Variants in LITAF observed in about 807,000 individuals in gnomAD.
The protein encoded by LITAF is lipopolysaccharide induced TNF factor, also known as lipopolysaccharide-induced tumor necrosis factor-alpha factor.
LITAF carries 9 observed loss-of-function variants against 14.5 expected under a neutral mutation model. The observed-to-expected ratio is 0.62, with a 90% confidence interval of 0.37 to 1.08. The LOEUF (loss-of-function observed/expected upper bound fraction) is 1.08. Among genes scored for constraint, LITAF ranks in the 50% least tolerant of loss-of-function variants. The pLI is 0.01. For missense variants in LITAF, 206 were observed against 213.4 expected (o/e 0.97, Z 0.22); for synonymous variants, 98 against 88.2 (o/e 1.11, Z -0.62).
At chr16:11,600,145 C>T (rs546138429), upstream of LITAF, among the ~76,000 whole-genome samples, 1 of 152,178 alleles carries the variant, frequency 6.6e-6, no homozygotes, top group African/African-American at 2.4e-5. This position sits in a 1 kb window ranked among gnomAD's most constrained non-coding sequence, Gnocchi z 4.1. Context: ...CTACAGACAC[C>T]AGCCACCATG....
In LITAF at chr16:11,553,707, G is replaced by T. The variant is rs2064220922; in HGVS notation, c.221-18C>A. On this transcript the variant is annotated intron_variant, in intron 2 of 3. Transcript: ENST00000622633. This position sits in a 1 kb window ranked among gnomAD's most constrained non-coding sequence, Gnocchi z 7.7. The stretch of plus-strand genomic sequence containing the variant: ...CACGGTAACTGATGAAAGGGAGAGG[G>T]ACAAACACAGGTTGCTCAGGAAACA... 1 of 1,613,918 alleles carries T rather than the reference G, an allele frequency of 6.2e-7. No homozygotes were observed. Among genetic ancestry groups the T allele is most frequent in the Non-Finnish European group, 8.5e-7 (1 of 1,179,932 alleles).
At chr16:11,573,334 A>G (rs1463355074) in intron 1 of LITAF, among the ~76,000 whole-genome samples, 1 of 152,182 alleles carries the variant, frequency 6.6e-6, no homozygotes, top group Non-Finnish European at 1.5e-5. Context: ...ACACACAGAG[A>G]GCTAGCCTGG....
chr16:11,616,068 T>C (rs2065017885), intron 3 of LITAF, among the ~76,000 whole-genome samples: 1 of 152,168 alleles, frequency 6.6e-6, no homozygotes, highest in Admixed American at 6.5e-5. Flanking sequence ...ATACATCCAC[T>C]ACCTGGGAGG....
intron 3 of LITAF, among the ~76,000 whole-genome samples, chr16:11,613,711 G>A (rs9932278): frequency 0.54 from 82,160 of 152,106 alleles, 25,337 homozygotes; most frequent in African/African-American, 0.85. Context: ...GAGCACAGCC[G>A]GACGGAGGGT....
chr16:11,611,666 C>CTTT (rs778921315), intron 3 of LITAF, among the ~76,000 whole-genome samples: 1 of 142,680 alleles, frequency 7.0e-6, no homozygotes, highest in Non-Finnish European at 1.5e-5. Flanking sequence ...TTTTCTTTTT[C>CTTT]TTTTTTTTTT....
At chr16:11,601,649 AGCC>A (rs920185699), upstream of LITAF, among the ~76,000 whole-genome samples, 1 of 152,132 alleles carries the variant, frequency 6.6e-6, no homozygotes, top group Non-Finnish European at 1.5e-5. Flanking sequence ...AGCTCACTGC[AGCC>A]TCCACTTCCT....
intron 1 of LITAF, chr16:11,575,674 A>C (rs2064620496): frequency 6.6e-6 from 1 of 152,202 alleles, no homozygotes; most frequent in Non-Finnish European, 1.5e-5. Context: ...CCATCCCAAC[A>C]ACTCGCGGTC....
intron 1 of LITAF, chr16:11,561,041 G>A (rs921054548): frequency 1.3e-5 from 2 of 152,180 alleles, no homozygotes; most frequent in South Asian, 4.1e-4. Context: ...GCACCCTGGG[G>A]GTCTGGAGTG....
chr16:11,579,943 G>C (rs937822856), intron 1 of LITAF, among the ~76,000 whole-genome samples: 3 of 152,162 alleles, frequency 2.0e-5, no homozygotes, highest in African/African-American at 7.2e-5. Context: ...AGAAACTGCA[G>C]ACACAGGAGC....
At chr16:11,582,666 C>G (rs2064756202) in intron 1 of LITAF, among the ~76,000 whole-genome samples, 1 of 152,172 alleles carries the variant, frequency 6.6e-6, no homozygotes, top group South Asian at 2.1e-4. Flanking sequence ...AAAAGAAGGG[C>G]ACTCACATGC....
Position 11,556,618 on chromosome 16 carries a change from G to C in LITAF, c.113C>G (p.Ala38Gly). 6.2e-7 allele frequency: 1 copy of C among 1,614,232 alleles called. No individual in the cohort carries two copies. Among genetic ancestry groups the C allele is most frequent in the Non-Finnish European group, 8.5e-7 (1 of 1,180,042 alleles). ...CCCCGTAGTTGGCCCAGGCATGGGAGCTGGAGGTGTGGGGTAATAACTGTT... is the reference window on the plus strand; with the variant it reads ...CCCCGTAGTTGGCCCAGGCATGGGACCTGGAGGTGTGGGGTAATAACTGTT... Reference protein sequence around the residue: ...AVNSYYPTPPAPMPGPTTGLV... With the variant: ...AVNSYYPTPPGPMPGPTTGLV... The change falls in exon 2 of 4, where the codon GCT (alanine) becomes GGT (glycine). Residue 38 changes from alanine (A) to glycine (G), a missense_variant. Transcript: ENST00000622633.
At chr16:11,570,408 C>T (rs139522314) in intron 1 of LITAF, among the ~76,000 whole-genome samples, 4 of 152,280 alleles carry the variant, frequency 2.6e-5, no homozygotes, top group East Asian at 1.9e-4. Flanking sequence ...GACCTCATCC[C>T]GCCACAGGGA....
In LITAF at chr16:11,553,793, A is replaced by G; in HGVS notation, c.221-104T>C. The G allele has an allele frequency of 7.7e-7, 1 of 1,295,064 alleles. No individual in the cohort carries two copies. The highest frequency in any genetic ancestry group is 1.1e-6 in the Non-Finnish European group (1 of 913,292). 80.2% of individuals were successfully genotyped at this position (1,295,064 alleles called of 1,614,324 possible). A position where few individuals can be genotyped will look rare whatever the true frequency, so the allele number is the denominator to read the frequency against. ...ACGCAGGGATGCCAGCAAATATTAT[A>G]TTTGTACATTTGTGTTCATAGCATG... On this transcript the variant is annotated intron_variant, in intron 2 of 3. Coordinates refer to ENST00000622633, the MANE Select transcript of LITAF (RefSeq NM_001136472.2). This position sits in a 1 kb window ranked among gnomAD's most constrained non-coding sequence, Gnocchi z 7.7.
upstream of LITAF, among the ~76,000 whole-genome samples, chr16:11,638,114 C>A (rs532922969): frequency 2.2e-3 from 138 of 61,356 alleles, 32 homozygotes; most frequent in African/African-American, 0.016. Flanking sequence ...ATATATCTAT[C>A]TATATAGATA....
At chr16:11,556,487 G>C (rs1290629269) in intron 2 of LITAF, 24 bp downstream of exon 2, 2 of 1,588,768 alleles carry the variant, frequency 1.3e-6, no homozygotes, top group Non-Finnish European at 1.7e-6. Flanking sequence ...GAATGGTAAG[G>C]GGGGCCTGGG....
chr16:11,576,237 G>A lies in LITAF; in HGVS notation c.-6+10649C>T, dbSNP rs531108545. ...TAATCCCAGTGCTTTGGGAGGCCGA[G>A]GCGGGTGAATCACTTGAGGTCAGGA... On this transcript the variant is annotated intron_variant, in intron 1 of 3. Transcript: ENST00000622633. Among the ~76,000 whole-genome samples the A allele has an allele frequency of 2.6e-5, 4 of 152,222 alleles. No individual in the cohort carries two copies. In the South Asian group the frequency reaches 8.3e-4, roughly 32 times the overall value.
At chr16:11,624,324 C>T (rs183790038) in intron 3 of LITAF, among the ~76,000 whole-genome samples, 4 of 152,156 alleles carry the variant, frequency 2.6e-5, no homozygotes, top group African/African-American at 7.2e-5. Flanking sequence ...TAAACTCCCA[C>T]GGTTGAATCT....
intron 1 of LITAF, among the ~76,000 whole-genome samples, chr16:11,571,665 G>T (rs2064543084): frequency 6.6e-6 from 1 of 152,102 alleles, no homozygotes; most frequent in African/African-American, 2.4e-5. Context: ...TCCTCCTCTG[G>T]TTCAAACTTC....
rs982582791 is a variant in LITAF at position 11,548,234 on chromosome 16, C to T, written c.*1403G>A. 1.1e-5 allele frequency: 5 copies of T among 453,914 alleles called. No individual in the cohort carries two copies. The highest frequency in any genetic ancestry group is 6.9e-5 in the East Asian group (1 of 14,412). The allele number at this position is 453,914 out of a possible 1,614,324, so 28.1% of individuals were successfully genotyped here. A position where few individuals can be genotyped will look rare whatever the true frequency, so the allele number is the denominator to read the frequency against. On this transcript the variant is annotated 3_prime_UTR_variant, in exon 4 of 4. Transcript: ENST00000622633. Reference sequence around the variant, plus strand: ...TCCCTATTCTGAAGTATTATCAAAACGAGGACCCTTGAAGGTCGAGCCCAG... The same window carrying T: ...TCCCTATTCTGAAGTATTATCAAAATGAGGACCCTTGAAGGTCGAGCCCAG...
Sources: gnomAD v4.1 joint callset for allele counts (sites outside exome capture counted in the v4.1 genomes callset) on GRCh38, gnomAD v4.1.1 for gene constraint, Gnocchi (gnomAD v3.1) non-coding constraint, MANE v1.5 for transcripts, NCBI Gene and HGNC (gene_info 2026-07-23, HGNC 2026-07-21) for gene names.